IL1RAPL2: variants seen among roughly 807,000 people sequenced by gnomAD.
IL1RAPL2 encodes interleukin 1 receptor accessory protein like 2.
A neutral mutation model predicts 44.1 loss-of-function variants in IL1RAPL2; 3 were observed. That is an observed-to-expected ratio of 0.07 (90% CI 0.03 to 0.18). The LOEUF (loss-of-function observed/expected upper bound fraction) is 0.18. IL1RAPL2 is among the 10% of genes least tolerant of loss of function. The pLI is 1.00. For synonymous variants in IL1RAPL2, 181 were observed against 178.8 expected (o/e 1.01, Z -0.10); for missense variants, 391 against 496.4 (o/e 0.79, Z 2.02).
chrX:104,600,388 C>A (rs947519559), intron 1 of IL1RAPL2, among the ~76,000 whole-genome samples: 1 of 111,326 alleles, frequency 9.0e-6, no homozygotes, highest in Admixed American at 9.6e-5. Context: ...AAAGTGAAAG[C>A]ACGTTCACTG....
intron 2 of IL1RAPL2, among the ~76,000 whole-genome samples, chrX:105,044,025 A>G (rs932870050): frequency 8.9e-6 from 1 of 111,961 alleles, no homozygotes; most frequent in Non-Finnish European, 1.9e-5. Context: ...AAGAAAACAC[A>G]ACAGTCTTAG....
intron 3 of IL1RAPL2, among the ~76,000 whole-genome samples, chrX:105,208,948 T>C (rs1556155077): frequency 2.0e-4 from 22 of 111,891 alleles, no homozygotes. Context: ...TACATACTGA[T>C]TGTTGACTTA....
intron 3 of IL1RAPL2, among the ~76,000 whole-genome samples, chrX:105,201,065 C>G (rs1282596879): frequency 1.8e-5 from 2 of 111,772 alleles, no homozygotes; most frequent in Non-Finnish European, 3.8e-5. Context: ...GTAAACATAA[C>G]AAGGAGTTCC....
At chrX:105,218,391 C>T (rs914023651) in intron 3 of IL1RAPL2, among the ~76,000 whole-genome samples, 13 of 111,377 alleles carry the variant, frequency 1.2e-4, no homozygotes, top group Admixed American at 4.8e-4. Flanking sequence ...CTGGCCCCAA[C>T]TCCAAGTGGC....
chrX:104,672,965 T>C (rs937018151), intron 2 of IL1RAPL2, among the ~76,000 whole-genome samples: 1 of 111,589 alleles, frequency 9.0e-6, no homozygotes, highest in African/African-American at 3.3e-5. Flanking sequence ...TCTTGTAAAT[T>C]TGTTTGAGTT....
chrX:105,380,178 G>A (rs764704991), intron 5 of IL1RAPL2, among the ~76,000 whole-genome samples: 1 of 111,682 alleles, frequency 9.0e-6, no homozygotes, highest in South Asian at 3.7e-4. Context: ...AGCTATATAT[G>A]CCTTTGATGA....
At chrX:105,119,476 T>C (rs962169650) in intron 2 of IL1RAPL2, among the ~76,000 whole-genome samples, 1 of 111,562 alleles carries the variant, frequency 9.0e-6, no homozygotes, top group Non-Finnish European at 1.9e-5. Context: ...TTCTACAAAA[T>C]GGCTTCCTCT....
At chrX:104,895,139 C>T (rs941046160) in intron 2 of IL1RAPL2, among the ~76,000 whole-genome samples, 1 of 95,891 alleles carries the variant, frequency 1.0e-5, no homozygotes, top group Non-Finnish European at 2.1e-5. Context: ...CTGATCGTTC[C>T]TCTGGAAGCT....
intron 1 of IL1RAPL2, among the ~76,000 whole-genome samples, chrX:104,578,675 T>C (rs1928286209): frequency 9.0e-6 from 1 of 111,300 alleles, no homozygotes; most frequent in African/African-American, 3.3e-5. Flanking sequence ...GAACAACTTA[T>C]TGAGATTTTC....
intron 2 of IL1RAPL2, among the ~76,000 whole-genome samples, chrX:104,896,277 T>C (rs770489037): frequency 1.8e-5 from 2 of 111,876 alleles, no homozygotes; most frequent in East Asian, 5.7e-4. Flanking sequence ...AAGCTACAGA[T>C]GGTCTTACAA....
intron 2 of IL1RAPL2, among the ~76,000 whole-genome samples, chrX:105,060,821 T>A (rs2032066208): frequency 9.0e-6 from 1 of 110,499 alleles, no homozygotes; most frequent in African/African-American, 3.3e-5. Context: ...CTAGATTTTT[T>A]AATTTATTAG....
chrX:105,468,565 G>A (rs772016808), intron 5 of IL1RAPL2, among the ~76,000 whole-genome samples: 15 of 111,523 alleles, frequency 1.3e-4, no homozygotes, highest in Non-Finnish European at 2.1e-4. Context: ...TGAACAAGGG[G>A]CCATGTTTTT....
intron 2 of IL1RAPL2, among the ~76,000 whole-genome samples, chrX:105,167,443 A>G (rs938591362): frequency 8.9e-6 from 1 of 111,977 alleles, no homozygotes; most frequent in African/African-American, 3.2e-5. Flanking sequence ...TCCATTTGCA[A>G]AACCACTTTT....
chrX:104,710,126 G>T (rs1931432484), intron 2 of IL1RAPL2, among the ~76,000 whole-genome samples: 1 of 111,069 alleles, frequency 9.0e-6, no homozygotes, highest in African/African-American at 3.3e-5. Flanking sequence ...CAGCAAATCT[G>T]CTCTTAGATA....
chrX:104,768,227 AT>A (rs1932587490), intron 2 of IL1RAPL2, among the ~76,000 whole-genome samples: 1 of 111,551 alleles, frequency 9.0e-6, no homozygotes, highest in Non-Finnish European at 1.9e-5. Flanking sequence ...TGGTTGTACA[AT>A]ATATCTCTTG....
chrX:105,608,254 G>C lies in IL1RAPL2; in HGVS notation c.773-109113G>C, dbSNP rs188325719. ...CCCATGTAATTTAATTCAAGCCAAG[G>C]TAGTCTTTGTTACAAAATGGTGCAA... On this transcript the variant is annotated intron_variant, in intron 6 of 10. Transcript: ENST00000372582. 5.3e-4 allele frequency among the ~76,000 whole-genome samples: 59 copies of C among 111,578 alleles called. No individual in the cohort carries two copies. The South Asian group carries it at 0.018, about 34-fold the overall frequency.
Position 104,995,404 on chromosome X carries a change from A to G in IL1RAPL2, c.83-200071A>G, listed in dbSNP as rs769839202. ...CTTGCTGGCTGAAATTAAATAGTCCAGGTCTATCCAAGTGAGAGCAGAATC... is the reference window on the plus strand; with the variant it reads ...CTTGCTGGCTGAAATTAAATAGTCCGGGTCTATCCAAGTGAGAGCAGAATC... On this transcript the variant is annotated intron_variant, in intron 2 of 10. Transcript: ENST00000372582. 4.5e-5 allele frequency among the ~76,000 whole-genome samples: 5 copies of G among 111,897 alleles called. No individual in the cohort carries two copies. In the East Asian group the frequency reaches 1.4e-3, roughly 32 times the overall value.
At chrX:104,589,835 C>G (rs1030062125) in intron 1 of IL1RAPL2, among the ~76,000 whole-genome samples, 1 of 110,987 alleles carries the variant, frequency 9.0e-6, no homozygotes, top group Non-Finnish European at 1.9e-5. Context: ...TAATTTGAGA[C>G]CAGTTATCAG....
At chrX:104,617,216 A>G (rs1175907619) in intron 1 of IL1RAPL2, among the ~76,000 whole-genome samples, 2 of 111,968 alleles carry the variant, frequency 1.8e-5, no homozygotes, top group Non-Finnish European at 3.8e-5. Flanking sequence ...TTGGCTTTTA[A>G]GGCTTCTGCT....
Sources: allele counts gnomAD v4.1 joint callset (sites outside exome capture counted in the v4.1 genomes callset), GRCh38; gene constraint gnomAD v4.1.1; transcripts MANE v1.5; gene names NCBI Gene and HGNC (gene_info 2026-07-23, HGNC 2026-07-21).